NPAS2: variants seen among roughly 807,000 people sequenced by gnomAD.
The protein encoded by NPAS2 is neuronal PAS domain protein 2, also known as neuronal PAS domain-containing protein 2.
Under a neutral mutation model 107.5 loss-of-function variants are expected in NPAS2, and 23 were observed. That is an observed-to-expected ratio of 0.21 (90% CI 0.15 to 0.30). NPAS2 has a LOEUF of 0.30. Ranked by LOEUF, NPAS2 falls within the 10% of genes least tolerant of loss-of-function variation. The pLI is 1.00. For missense variants in NPAS2, 756 were observed against 1,043.3 expected, an observed-to-expected ratio of 0.72 and a Z score of 3.79; for synonymous variants, 403 against 417.5, an observed-to-expected ratio of 0.97 and a Z score of 0.42.
chr2:100,893,795 G>A (rs1265390986), intron 1 of NPAS2, among the ~76,000 whole-genome samples: 1 of 152,334 alleles, frequency 6.6e-6, no homozygotes, highest in East Asian at 1.9e-4. Context: ...TTTACATGTT[G>A]TCTATGGCTG....
chr2:100,952,084 T>A (rs1244555374), intron 7 of NPAS2, among the ~76,000 whole-genome samples: 3 of 140,442 alleles, frequency 2.1e-5, no homozygotes, highest in East Asian at 2.2e-4. Flanking sequence ...CCCGGGAGGC[T>A]GAGCTTGCAG....
At chr2:100,868,042 T>C (rs1573502216) in intron 1 of NPAS2, among the ~76,000 whole-genome samples, 1 of 152,240 alleles carries the variant, frequency 6.6e-6, no homozygotes, top group East Asian at 1.9e-4. Flanking sequence ...GAATGATTTA[T>C]TACTTACATG....
In NPAS2 at chr2:100,990,889, G is replaced by GGGAGGCA; in HGVS notation, c.2111+25_2111+31dup. The GGGAGGCA allele has an allele frequency of 6.2e-7, 1 of 1,610,020 alleles. No homozygotes were observed. Among genetic ancestry groups the GGGAGGCA allele is most frequent in the Non-Finnish European group, 8.5e-7 (1 of 1,176,514 alleles). ...GCAAGTCAAGTACGTGGACCCTGGC[G>GGGAGGCA]GGAGGCAGGAGGCAAGCGCTGGTGG... On this transcript the variant is annotated intron_variant, in intron 19 of 20. Transcript: ENST00000335681.
chr2:100,928,686 T>C (rs1016695289), intron 3 of NPAS2, among the ~76,000 whole-genome samples: 1 of 152,198 alleles, frequency 6.6e-6, no homozygotes, highest in Non-Finnish European at 1.5e-5. Context: ...GGTACGTTTT[T>C]TGGGGAAGTA....
intron 2 of NPAS2, among the ~76,000 whole-genome samples, chr2:100,909,511 C>T (rs1389742469): frequency 6.6e-6 from 1 of 152,214 alleles, no homozygotes; most frequent in Non-Finnish European, 1.5e-5. Flanking sequence ...TGGAGGACTC[C>T]AGCCCCATGC....
rs149587579 is a variant in NPAS2, at chr2:100,953,814, G to A, written c.598+4334G>A. On this transcript the variant is annotated intron_variant, in intron 7 of 20. Transcript: ENST00000335681. ...GACACAGGCCCGCTCCGGCCTCCTG[G>A]CATTCTGCTGATCCATGATGCCTAC... Among the ~76,000 whole-genome samples, 1,078 of 152,312 alleles carry A rather than the reference G, an allele frequency of 7.1e-3. 12 individuals are homozygous for A. Among genetic ancestry groups the A allele is most frequent in the African/African-American group, 0.025 (1,030 of 41,548 alleles).
chr2:100,884,708 A>G (rs57113413), intron 1 of NPAS2, among the ~76,000 whole-genome samples: 1,539 of 152,248 alleles, frequency 0.01, 29 homozygotes, highest in African/African-American at 0.035. Flanking sequence ...TTACATAGAC[A>G]TGAACATAGT....
chr2:100,826,913 A>G (rs1426916990), intron 1 of NPAS2, among the ~76,000 whole-genome samples: 2 of 152,156 alleles, frequency 1.3e-5, no homozygotes, highest in East Asian at 1.9e-4. Context: ...TACCATTTAT[A>G]GTTTTCTATT....
chr2:100,933,887 G>A (rs1455778027), intron 4 of NPAS2, among the ~76,000 whole-genome samples: 1 of 152,210 alleles, frequency 6.6e-6, no homozygotes, highest in African/African-American at 2.4e-5. Flanking sequence ...AGTGGTTCCT[G>A]GCAGGGTGTT....
intron 2 of NPAS2, among the ~76,000 whole-genome samples, chr2:100,924,667 T>C (rs1683447892): frequency 6.6e-6 from 1 of 152,170 alleles, no homozygotes; most frequent in Non-Finnish European, 1.5e-5. Context: ...AACAGGGCGA[T>C]GAGCTCTTTG....
intron 7 of NPAS2, among the ~76,000 whole-genome samples, chr2:100,958,969 T>C (rs1394241184): frequency 6.6e-6 from 1 of 151,750 alleles, no homozygotes; most frequent in Non-Finnish European, 1.5e-5. Flanking sequence ...ATCCAGCAAA[T>C]TGCAAAGCCA....
intron 5 of NPAS2, among the ~76,000 whole-genome samples, chr2:100,938,352 G>A (rs1684467496): frequency 6.6e-6 from 1 of 152,130 alleles, no homozygotes; most frequent in Non-Finnish European, 1.5e-5. Context: ...GAACTGCTCT[G>A]GGAAGACTGA....
chr2:100,820,019 G>A (rs1675972461), upstream of NPAS2: 1 of 151,572 alleles, frequency 6.6e-6, no homozygotes, highest in South Asian at 2.1e-4. The surrounding 1 kb of genome is among the most constrained non-coding windows in gnomAD (Gnocchi z 5.6). Context: ...CCCGCAGGCG[G>A]AGGCAGGCGA....
At chr2:100,828,060 C>T (rs1214966739) in intron 1 of NPAS2, among the ~76,000 whole-genome samples, 2 of 150,388 alleles carry the variant, frequency 1.3e-5, no homozygotes, top group African/African-American at 4.9e-5. Context: ...TCTCTTGTCT[C>T]CACAGTCTCT....
intron 15 of NPAS2, among the ~76,000 whole-genome samples, chr2:100,981,364 G>A (rs1002113302): frequency 1.3e-5 from 2 of 152,176 alleles, no homozygotes; most frequent in Non-Finnish European, 2.9e-5. Flanking sequence ...CAAGATATGG[G>A]AGTCATAGCC....
Position 100,951,634 on chromosome 2 carries a change from C to T in NPAS2, c.598+2154C>T, listed in dbSNP as rs191098335. On this transcript the variant is annotated intron_variant, in intron 7 of 20. Coordinates refer to ENST00000335681, the MANE Select transcript of NPAS2 (RefSeq NM_002518.4). ...TTACATGAGGTACCATAGCCAAATT[C>T]ATAGAAACAGAAAGTAGAATGGTGA... Among the ~76,000 whole-genome samples the T allele has an allele frequency of 3.3e-4, 50 of 152,140 alleles. No individual in the cohort carries two copies. The East Asian group carries it at 3.3e-3, about 10-fold the overall frequency.
chr2:100,819,831 G>A (rs1384644891), upstream of NPAS2, among the ~76,000 whole-genome samples: 1 of 151,918 alleles, frequency 6.6e-6, no homozygotes, highest in African/African-American at 2.4e-5. The surrounding 1 kb of genome is among the most constrained non-coding windows in gnomAD (Gnocchi z 5.8). Flanking sequence ...CCCCGACCCT[G>A]CGCCCCAGGC....
chr2:100,930,622 A>T (rs1186727392), intron 3 of NPAS2, among the ~76,000 whole-genome samples: 3 of 151,856 alleles, frequency 2.0e-5, no homozygotes, highest in Non-Finnish European at 2.9e-5. Flanking sequence ...TATCTAACAT[A>T]TTTTTTTAAT....
chr2:100,861,559 T>C (rs929176224), intron 1 of NPAS2, among the ~76,000 whole-genome samples: 3 of 152,138 alleles, frequency 2.0e-5, no homozygotes, highest in Non-Finnish European at 2.9e-5. Flanking sequence ...GAGTTGTTTG[T>C]CAGCCAGGCA....
Sources: allele counts gnomAD v4.1 joint callset (sites outside exome capture counted in the v4.1 genomes callset), GRCh38; gene constraint gnomAD v4.1.1; non-coding constraint Gnocchi (gnomAD v3.1); transcripts MANE v1.5; gene names NCBI Gene and HGNC (gene_info 2026-07-23, HGNC 2026-07-21).